Variants in UGT1A4 observed in about 807,000 individuals in gnomAD.
UGT1A4 encodes the protein UDP-glucuronosyltransferase 1A4.
Under a neutral mutation model 41.1 loss-of-function variants are expected in UGT1A4, and 32 were observed. The observed-to-expected ratio is 0.78, with a 90% CI of 0.59 to 1.05. UGT1A4 has a LOEUF of 1.05. UGT1A4 is among the 50% of genes least tolerant of loss of function. UGT1A4 has a pLI of 0.00. For missense variants in UGT1A4, 748 were observed against 677.4 expected, an observed-to-expected ratio of 1.10 and a Z score of -1.16; for synonymous variants, 283 against 265.1, an observed-to-expected ratio of 1.07 and a Z score of -0.66.
intron 1 of UGT1A4, chr2:233,753,428 T>C (rs1420824589): frequency 6.6e-6 from 1 of 152,236 alleles, no homozygotes; most frequent in East Asian, 1.9e-4. Context: ...ACAGTATTTG[T>C]TGGTTAATGA....
chr2:233,768,543 A>T, intron 4 of UGT1A4, 104 bp downstream of exon 4: 1 of 1,485,090 alleles, frequency 6.7e-7, no homozygotes, highest in Non-Finnish European at 8.9e-7. Context: ...TGTTTCAAAT[A>T]TAAAAACAAA....
At chr2:233,760,234 A>ATG in intron 1 of UGT1A4, 1 of 1,136,914 alleles carries the variant, frequency 8.8e-7, no homozygotes, top group South Asian at 1.5e-5. Context: ...GGTTTTTGCC[A>ATG]TATATATATA....
intron 1 of UGT1A4, among the ~76,000 whole-genome samples, chr2:233,765,111 G>C (rs1698754315): frequency 6.6e-6 from 1 of 152,118 alleles, no homozygotes; most frequent in Non-Finnish European, 1.5e-5. Context: ...GGCTTCCTCA[G>C]GACTGTTCAG....
chr2:233,726,527 G>A (rs2125719925), intron 1 of UGT1A4, among the ~76,000 whole-genome samples: 1 of 152,108 alleles, frequency 6.6e-6, no homozygotes, highest in South Asian at 2.1e-4. Context: ...TCCACTTTTA[G>A]GGAGATGCAG....
In UGT1A4 at chr2:233,719,560, A is replaced by C. The variant is rs1443276179; in HGVS notation, c.740A>C (p.Asp247Ala). 6.2e-7 allele frequency: 1 copy of C among 1,613,812 alleles called. No individual in the cohort carries two copies. The highest frequency in any genetic ancestry group is 1.7e-5 in the Admixed American group (1 of 59,988). ...TTTCAGAGAGAGGTGTCAGTGGTGGATCTTGTCAGCTATGCATCCGTGTGG... is the reference window on the plus strand; with the variant it reads ...TTTCAGAGAGAGGTGTCAGTGGTGGCTCTTGTCAGCTATGCATCCGTGTGG... ...ELFQREVSVV[D>A]LVSYASVWLF... Residue 247 changes from aspartate to alanine, a missense_variant, in exon 1 of 5, where the codon GAT becomes GCT. Physicochemically the swap from Asp to Ala is moderately radical, Grantham distance 126. Coordinates refer to ENST00000373409, the MANE Select transcript of UGT1A4 (RefSeq NM_007120.3).
At chr2:233,724,359 C>G (rs1387977005) in intron 1 of UGT1A4, among the ~76,000 whole-genome samples, 2 of 146,918 alleles carry the variant, frequency 1.4e-5, no homozygotes, top group South Asian at 4.6e-4. Flanking sequence ...ACCTCCCTCC[C>G]GGACGGGGTG....
At chr2:233,762,434 G>T (rs1698074575) in intron 1 of UGT1A4, among the ~76,000 whole-genome samples, 1 of 152,184 alleles carries the variant, frequency 6.6e-6, no homozygotes, top group Non-Finnish European at 1.5e-5. Flanking sequence ...GAGTAACAGT[G>T]TATTCCCACT....
chr2:233,742,574 G>A lies in UGT1A4; in HGVS notation c.867+22887G>A, dbSNP rs544718368. On this transcript the variant is annotated intron_variant, in intron 1 of 4. Coordinates refer to ENST00000373409, the MANE Select transcript of UGT1A4 (RefSeq NM_007120.3). ...TAGGGGCCAGCTTCTGGCCGGAATT[G>A]GGGGCTTATCCCCAGCAACCTACCA... Among the ~76,000 whole-genome samples the A allele has an allele frequency of 5.3e-5, 8 of 151,892 alleles. No homozygotes were observed. In the South Asian group the frequency reaches 1.7e-3, roughly 31 times the overall value.
intron 1 of UGT1A4, among the ~76,000 whole-genome samples, chr2:233,730,402 A>G (rs1395963298): frequency 2.6e-5 from 4 of 152,200 alleles, no homozygotes; most frequent in Non-Finnish European, 1.5e-5. Flanking sequence ...AGTAAATTAC[A>G]ATTGTTGACA....
chr2:233,746,266 G>A (rs573360161), intron 1 of UGT1A4, among the ~76,000 whole-genome samples: 7 of 151,810 alleles, frequency 4.6e-5, no homozygotes, highest in South Asian at 4.1e-4. Context: ...AGAACAAAAC[G>A]CTGTGGGGAT....
At chr2:233,751,205 G>C (rs1471569540) in intron 1 of UGT1A4, among the ~76,000 whole-genome samples, 1 of 151,980 alleles carries the variant, frequency 6.6e-6, no homozygotes, top group East Asian at 1.9e-4. Context: ...TAATTTTGGA[G>C]CTTTAAGATT....
intron 1 of UGT1A4, among the ~76,000 whole-genome samples, chr2:233,757,287 C>A (rs1434964623): frequency 1.2e-4 from 14 of 112,536 alleles, no homozygotes; most frequent in Non-Finnish European, 2.2e-4. Context: ...TCAGAAGGGA[C>A]AGCTGGGGGT....
At chr2:233,767,234 C>T in intron 2 of UGT1A4, 69 bp downstream of exon 2, 1 of 1,609,592 alleles carries the variant, frequency 6.2e-7, no homozygotes, top group Middle Eastern at 1.7e-4. Context: ...CTTCCAGCTT[C>T]CAGATTAATT....
chr2:233,723,990 T>G, intron 1 of UGT1A4, among the ~76,000 whole-genome samples: 1 of 68,950 alleles, frequency 1.5e-5, no homozygotes, highest in South Asian at 6.4e-4. Context: ...TTTCCCGCCT[T>G]TCTATTCCAC....
intron 1 of UGT1A4, among the ~76,000 whole-genome samples, chr2:233,759,074 G>A (rs550324440): frequency 5.3e-5 from 8 of 152,342 alleles, no homozygotes; most frequent in African/African-American, 1.9e-4. Flanking sequence ...GAATTTGGAA[G>A]AAAGAGACTT....
chr2:233,722,566 G>A (rs901908747), intron 1 of UGT1A4, among the ~76,000 whole-genome samples: 44 of 152,258 alleles, frequency 2.9e-4, no homozygotes, highest in Non-Finnish European at 5.7e-4. Flanking sequence ...ATTTGTAGCT[G>A]CTTTTGCAAC....
chr2:233,758,992 G>A (rs561211595), intron 1 of UGT1A4, among the ~76,000 whole-genome samples: 1 of 152,306 alleles, frequency 6.6e-6, no homozygotes, highest in Non-Finnish European at 1.5e-5. Flanking sequence ...CCAGTGGAAT[G>A]AGTACAATTT....
intron 1 of UGT1A4, chr2:233,747,490 T>G: frequency 6.2e-7 from 1 of 1,609,038 alleles, no homozygotes; most frequent in Non-Finnish European, 8.5e-7. Flanking sequence ...GATCGCCTTG[T>G]GCTGGGCCAC....
intron 1 of UGT1A4, among the ~76,000 whole-genome samples, chr2:233,739,404 C>T (rs1454262492): frequency 2.0e-5 from 3 of 152,174 alleles, no homozygotes; most frequent in Admixed American, 2.0e-4. Flanking sequence ...ATCAATGCCA[C>T]CCTCTGAAAG....
Sources: allele counts gnomAD v4.1 joint callset (sites outside exome capture counted in the v4.1 genomes callset), GRCh38; gene constraint gnomAD v4.1.1; transcripts MANE v1.5; gene names NCBI Gene and HGNC (gene_info 2026-07-23, HGNC 2026-07-21).